Variants in TMTC2 observed in about 807,000 individuals in gnomAD.
The protein encoded by TMTC2 is protein O-mannosyl-transferase TMTC2.
TMTC2 carries 43 observed loss-of-function variants against 82.4 expected under a neutral mutation model. That is an observed-to-expected ratio of 0.52 (90% confidence interval 0.41 to 0.67). TMTC2 has a LOEUF of 0.67. Among genes scored for constraint, TMTC2 ranks in the 30% least tolerant of loss-of-function variants. The pLI, the probability that TMTC2 is intolerant of heterozygous loss-of-function variation, is 0.00. For missense variants in TMTC2, 919 were observed against 1,012.4 expected, an observed-to-expected ratio of 0.91 and a Z score of 1.25; for synonymous variants, 408 against 381.9, an observed-to-expected ratio of 1.07 and a Z score of -0.80.
intron 11 of TMTC2, among the ~76,000 whole-genome samples, chr12:83,084,555 C>A (rs1374412572): frequency 1.1e-4 from 16 of 152,010 alleles, no homozygotes; most frequent in Non-Finnish European, 4.4e-5. Context: ...ATGCTGAAAA[C>A]AAAGGTATGT....
At chr12:83,045,706 T>TACACACACACACACACACACACACAC (rs1565867299) in intron 9 of TMTC2, among the ~76,000 whole-genome samples, 2 of 46,750 alleles carry the variant, frequency 4.3e-5, no homozygotes, top group African/African-American at 2.2e-4. Flanking sequence ...AAAGGGCTCC[T>TACACACACACACACACACACACACAC]TCACACACAC....
At chr12:82,746,467 G>C (rs1875697380) in intron 1 of TMTC2, among the ~76,000 whole-genome samples, 1 of 152,118 alleles carries the variant, frequency 6.6e-6, no homozygotes, top group South Asian at 2.1e-4. Context: ...GTATAATGGG[G>C]TACAAAGAAG....
chr12:83,027,647 T>C (rs1055771535), intron 8 of TMTC2, among the ~76,000 whole-genome samples: 3 of 152,222 alleles, frequency 2.0e-5, no homozygotes, highest in African/African-American at 7.2e-5. Context: ...ATTTGGCACT[T>C]GGCTAAATAA....
intron 11 of TMTC2, among the ~76,000 whole-genome samples, chr12:83,131,335 T>C (rs545735397): frequency 6.6e-6 from 1 of 152,232 alleles, no homozygotes; most frequent in Non-Finnish European, 1.5e-5. Flanking sequence ...TGTTAACTAA[T>C]GTCTGAGAAT....
intron 8 of TMTC2, among the ~76,000 whole-genome samples, chr12:83,006,413 A>C (rs938281522): frequency 6.6e-6 from 1 of 151,974 alleles, no homozygotes; most frequent in African/African-American, 2.4e-5. Flanking sequence ...CTTTGCTATC[A>C]GTTGTAACGT....
chr12:82,701,935 C>G (rs972792896), intron 1 of TMTC2, among the ~76,000 whole-genome samples: 1 of 151,936 alleles, frequency 6.6e-6, no homozygotes, highest in African/African-American at 2.4e-5. Context: ...AGATTTTTAA[C>G]TCCCCAAAAA....
At chr12:82,817,179 C>T (rs940685168) in intron 1 of TMTC2, among the ~76,000 whole-genome samples, 5 of 151,792 alleles carry the variant, frequency 3.3e-5, no homozygotes, top group Admixed American at 1.3e-4. Context: ...ATGTTGGCCA[C>T]GCTGGTCTCA....
intron 8 of TMTC2, among the ~76,000 whole-genome samples, chr12:83,023,274 A>G (rs10862555): frequency 0.59 from 89,951 of 151,890 alleles, 27,157 homozygotes; most frequent in South Asian, 0.73. Context: ...TAAACCGAAT[A>G]CATGTTTCTT....
At chr12:83,079,162 AT>A (rs200649784) in intron 11 of TMTC2, among the ~76,000 whole-genome samples, 9 of 151,262 alleles carry the variant, frequency 5.9e-5, no homozygotes, top group Admixed American at 1.3e-4. Flanking sequence ...TCTATCAGTT[AT>A]TTTTTTTTCT....
At chr12:82,732,991 A>G (rs564031054) in intron 1 of TMTC2, among the ~76,000 whole-genome samples, 21 of 152,348 alleles carry the variant, frequency 1.4e-4, no homozygotes, top group African/African-American at 5.1e-4. Flanking sequence ...AATTACAACA[A>G]TTATAGGCAT....
Position 82,687,026 on chromosome 12 carries a change from A to C in TMTC2, c.-561A>C, listed in dbSNP as rs953433713. ...GGGAGCTAATAAACATTGAATGTGC[A>C]GCAGCTGCCTTGGCGGCCGGAGTCC... On this transcript the variant is annotated 5_prime_UTR_variant, in exon 1 of 12. Transcript: ENST00000321196. The C allele has an allele frequency of 4.4e-5, 7 of 160,580 alleles. No homozygotes were observed. Among genetic ancestry groups the C allele is most frequent in the Admixed American group, 4.2e-4 (7 of 16,678 alleles). The allele number at this position is 160,580 out of a possible 1,614,324, so 9.9% of individuals were successfully genotyped here.
At chr12:83,097,864 G>A (rs968709498) in intron 11 of TMTC2, among the ~76,000 whole-genome samples, 8 of 152,324 alleles carry the variant, frequency 5.3e-5, no homozygotes, top group Non-Finnish European at 5.9e-5. Context: ...GCCTGGAGCA[G>A]ACAGAATGCC....
chr12:83,112,935 T>C (rs1309611177), intron 11 of TMTC2, among the ~76,000 whole-genome samples: 1 of 152,212 alleles, frequency 6.6e-6, no homozygotes, highest in African/African-American at 2.4e-5. Context: ...ATCCCCCAAC[T>C]TGGTATTACA....
Position 82,896,304 on chromosome 12 carries a change from G to T in TMTC2, c.1141G>T (p.Val381Leu). 6.2e-7 allele frequency: 1 copy of T among 1,614,132 alleles called. No homozygotes were observed. ...SKVENGIKND[V>L]SQRTQLPSTE... is the part of the protein sequence containing the mutation. ...AGTAGAAAATGGCATTAAAAACGAT[G>T]TATCACAGAGAACCCAGCTTCCTTC... Residue 381 changes from valine (V) to leucine (L), a missense_variant, in exon 3 of 12, where the codon GTA (valine) becomes TTA (leucine). By Grantham distance (32) the Val-to-Leu change is conservative (BLOSUM62 1). Transcript: ENST00000321196.
rs1884944566 is a variant in TMTC2 at position 83,121,448 on chromosome 12, T to C, written c.2332-10762T>C. Among the ~76,000 whole-genome samples the C allele has an allele frequency of 3.3e-5, 5 of 152,124 alleles. No individual in the cohort carries two copies. In the South Asian group the frequency reaches 8.5e-4, roughly 26 times the overall value. On this transcript the variant is annotated intron_variant, in intron 11 of 11. Coordinates refer to ENST00000321196, the MANE Select transcript of TMTC2 (RefSeq NM_152588.3). ...TTTCTGGATCTAGCCACCCAGCAAG[T>C]CTACCAGGCTCTGTGCTGGTACTGA...
chr12:82,973,228 G>A (rs1309407391), intron 7 of TMTC2, among the ~76,000 whole-genome samples: 1 of 152,044 alleles, frequency 6.6e-6, no homozygotes, highest in Non-Finnish European at 1.5e-5. Flanking sequence ...GCAATCCTAC[G>A]AATATGAATA....
chr12:83,006,963 A>G (rs1200446529), intron 8 of TMTC2, among the ~76,000 whole-genome samples: 1 of 152,152 alleles, frequency 6.6e-6, no homozygotes, highest in Non-Finnish European at 1.5e-5. Flanking sequence ...GGGGAGGGAT[A>G]GCATTAAGAG....
chr12:83,026,764 A>T (rs1881200027), intron 8 of TMTC2, among the ~76,000 whole-genome samples: 1 of 150,456 alleles, frequency 6.6e-6, no homozygotes, highest in South Asian at 2.1e-4. Context: ...GTATTTTTAT[A>T]TTTGTGTATT....
At chr12:83,058,023 G>A (rs1882608294) in intron 10 of TMTC2, among the ~76,000 whole-genome samples, 1 of 151,746 alleles carries the variant, frequency 6.6e-6, no homozygotes, top group African/African-American at 2.4e-5. Flanking sequence ...GGTATATTAA[G>A]TTATTCTATT....
Sources: gnomAD v4.1 joint callset for allele counts (sites outside exome capture counted in the v4.1 genomes callset) on GRCh38, gnomAD v4.1.1 for gene constraint, MANE v1.5 for transcripts, NCBI Gene and HGNC (gene_info 2026-07-23, HGNC 2026-07-21) for gene names.